Variants in HK1 observed in about 807,000 individuals in gnomAD.
HK1 encodes hexokinase 1.
In HK1, 28 loss-of-function variants were observed where a neutral mutation model predicts 91.6. The observed-to-expected ratio is 0.31, with a 90% CI of 0.23 to 0.42. The LOEUF (loss-of-function observed/expected upper bound fraction) is 0.42, where lower values mean the gene tolerates loss of function less well. Ranked by LOEUF, HK1 falls within the 10% of genes least tolerant of loss-of-function variation. The pLI is 1.00. For missense variants in HK1, 770 were observed against 1,219.8 expected (o/e 0.63, Z 5.49); for synonymous variants, 430 against 468.1 (o/e 0.92, Z 1.05).
chr10:69,294,777 G>A (rs188257773), intron 3 of HK1, among the ~76,000 whole-genome samples: 38 of 152,182 alleles, frequency 2.5e-4, no homozygotes, highest in African/African-American at 8.4e-4. Flanking sequence ...CAAGAGAATC[G>A]CTTGAACCTG....
rs537944214 is a variant in HK1 at position 69,285,268 on chromosome 10, C to T, written c.-215+2564C>T. The stretch of plus-strand genomic sequence containing the variant: ...GCTAACATGGTCTCTACTGAAAATA[C>T]AAAAAATTAGCCGGGCGAGGTGGCG... On this transcript the variant is annotated intron_variant, in intron 2 of 21. Coordinates refer to the HK1 transcript ENST00000360289. Among the ~76,000 whole-genome samples, 19 of 151,682 alleles carry T rather than the reference C, an allele frequency of 1.3e-4. No homozygotes were observed. The South Asian group carries it at 1.9e-3, about 15-fold the overall frequency.
intron 8 of HK1, 148 bp downstream of exon 8, chr10:69,377,237 C>A: frequency 1.1e-6 from 1 of 925,298 alleles, no homozygotes; most frequent in Non-Finnish European, 1.7e-6. Context: ...TCTTAGTTGA[C>A]CCATTCTGGG....
At chr10:69,396,934 C>G (rs866937554) in intron 16 of HK1, among the ~76,000 whole-genome samples, 12 of 152,178 alleles carry the variant, frequency 7.9e-5, no homozygotes, top group Admixed American at 7.2e-4. Context: ...ATCTGCCCAC[C>G]TTGGCCTCCC....
At chr10:69,280,265 C>G (rs1844671795) in intron 1 of HK1, among the ~76,000 whole-genome samples, 1 of 152,142 alleles carries the variant, frequency 6.6e-6, no homozygotes, top group South Asian at 2.1e-4. Flanking sequence ...GTGCCTGCTA[C>G]CATGCCCAGC....
At chr10:69,320,504 CG>C (rs1846951064) in intron 1 of HK1, among the ~76,000 whole-genome samples, 1 of 152,098 alleles carries the variant, frequency 6.6e-6, no homozygotes, top group Non-Finnish European at 1.5e-5. Flanking sequence ...GCTGTGCGTG[CG>C]GGTGTGTGCA....
chr10:69,309,059 C>T (rs1405624052), intron 5 of HK1, among the ~76,000 whole-genome samples: 3 of 152,134 alleles, frequency 2.0e-5, no homozygotes. Flanking sequence ...CTGCTAATTC[C>T]AGCACTTTGG....
In HK1 at chr10:69,401,160, C is replaced by G. The variant is rs374328237; in HGVS notation, c.*25C>G. On this transcript the variant is annotated 3_prime_UTR_variant, in exon 18 of 18. Transcript: ENST00000359426. Reference sequence around the variant, plus strand: ...AGAGTCCGGGATCCCCAGCCTACTGCCTCTCCAGCACTTCTCTCTTCAAGC... The same window carrying G: ...AGAGTCCGGGATCCCCAGCCTACTGGCTCTCCAGCACTTCTCTCTTCAAGC... 1 of 1,608,644 alleles carries G rather than the reference C, an allele frequency of 6.2e-7. No individual in the cohort carries two copies. Among genetic ancestry groups the G allele is most frequent in the Admixed American group, 1.7e-5 (1 of 59,416 alleles).
rs149310724 is a variant in HK1, at chr10:69,304,500, G to A, written c.27+3639G>A. On this transcript the variant is annotated intron_variant, in intron 5 of 21. Transcript: ENST00000360289. ...TTTTTGTATTTTTAGTAGAAGCAGCGTTTCACCATGTTGGCCAAGCTGGTC... is the reference window on the plus strand; with the variant it reads ...TTTTTGTATTTTTAGTAGAAGCAGCATTTCACCATGTTGGCCAAGCTGGTC... Among the ~76,000 whole-genome samples the A allele has an allele frequency of 3.6e-3, 547 of 152,134 alleles. 5 individuals carry two copies. The highest frequency in any genetic ancestry group is 0.012 in the African/African-American group (499 of 41,494).
intron 1 of HK1, among the ~76,000 whole-genome samples, chr10:69,281,614 C>A (rs1844754030): frequency 6.6e-6 from 1 of 152,188 alleles, no homozygotes; most frequent in South Asian, 2.1e-4. Context: ...TATCATGATT[C>A]ACAATTTGCA....
intron 10 of HK1, among the ~76,000 whole-genome samples, chr10:69,383,503 A>G (rs1463470035): frequency 6.6e-6 from 1 of 152,242 alleles, no homozygotes; most frequent in African/African-American, 2.4e-5. Context: ...GTTACCTAAT[A>G]CCACATTATA....
chr10:69,281,246 G>A (rs1484026695), intron 1 of HK1, among the ~76,000 whole-genome samples: 1 of 152,164 alleles, frequency 6.6e-6, no homozygotes, highest in Non-Finnish European at 1.5e-5. Flanking sequence ...GTCTGTGGAA[G>A]GGCCCAAGAA....
At chr10:69,377,826 A>G (rs887087876) in intron 8 of HK1, among the ~76,000 whole-genome samples, 1 of 152,208 alleles carries the variant, frequency 6.6e-6, no homozygotes, top group Admixed American at 6.5e-5. Flanking sequence ...AAACCTGTTA[A>G]CAGCCAGAAA....
Position 69,401,166 on chromosome 10 carries a change from C to T in HK1, c.*31C>T. 1 of 1,606,002 alleles carries T rather than the reference C, an allele frequency of 6.2e-7. No individual in the cohort carries two copies. Among genetic ancestry groups the T allele is most frequent in the Non-Finnish European group, 8.5e-7 (1 of 1,177,164 alleles). ...CGGGATCCCCAGCCTACTGCCTCTC[C>T]AGCACTTCTCTCTTCAAGCGGCGAC... On this transcript the variant is annotated 3_prime_UTR_variant, in exon 18 of 18. Coordinates refer to ENST00000359426, the MANE Select transcript of HK1 (RefSeq NM_000188.3).
upstream of HK1, among the ~76,000 whole-genome samples, chr10:69,311,780 G>A (rs2132537750): frequency 6.6e-6 from 1 of 152,256 alleles, no homozygotes; most frequent in East Asian, 1.9e-4. Context: ...GGGACTATAG[G>A]TGCATGCCAC....
At chr10:69,353,212 G>T (rs924134215) in intron 2 of HK1, among the ~76,000 whole-genome samples, 2 of 152,156 alleles carry the variant, frequency 1.3e-5, no homozygotes, top group African/African-American at 4.8e-5. Flanking sequence ...CGCCTCCAGG[G>T]AGGGAGAGAG....
intron 1 of HK1, among the ~76,000 whole-genome samples, chr10:69,338,918 T>A (rs1589507727): frequency 6.6e-6 from 1 of 152,118 alleles, no homozygotes; most frequent in Non-Finnish European, 1.5e-5. Context: ...AGAGTCAGCC[T>A]TTCTTCCTGG....
In HK1 at chr10:69,369,994, T is replaced by C. The variant is rs1849916607; in HGVS notation, c.875+370T>C. The stretch of plus-strand genomic sequence containing the variant: ...TTCAAGCGATCTGCCTGCCTCAGCC[T>C]CCCAAAATGCTGGGGTTACAGGCAT... On this transcript the variant is annotated intron_variant, in intron 7 of 17. Coordinates refer to ENST00000359426, the MANE Select transcript of HK1 (RefSeq NM_000188.3). The surrounding 1 kb of genome is among the most constrained non-coding windows in gnomAD (Gnocchi z 4.4). Among the ~76,000 whole-genome samples, 1 of 152,206 alleles carries C rather than the reference T, an allele frequency of 6.6e-6. No homozygotes were observed. The highest frequency in any genetic ancestry group is 1.5e-5 in the Non-Finnish European group (1 of 68,028).
chr10:69,350,477 A>C (rs1380875568), intron 2 of HK1, among the ~76,000 whole-genome samples: 1 of 151,944 alleles, frequency 6.6e-6, no homozygotes, highest in Non-Finnish European at 1.5e-5. Flanking sequence ...CCTGGCCAAA[A>C]TGGTGAAACT....
At position 69,356,882 on chromosome 10, in the gene HK1, CAA is replaced by C. The variant is rs778360296; in HGVS notation, c.227-2994_227-2993del. 2.8e-3 allele frequency among the ~76,000 whole-genome samples: 172 copies of C among 61,992 alleles called. 1 individual carries two copies. The highest frequency in any genetic ancestry group is 3.8e-3 in the Non-Finnish European group (124 of 32,788). The allele number at this position is 61,992 out of a possible 152,430, so 40.7% of individuals were successfully genotyped here. On this transcript the variant is annotated intron_variant, in intron 2 of 17. Transcript: ENST00000359426. ...TGGGCAACAGAGCGAAACTCCATCT[CAA>C]AAAAAAAAAAAAAAAAAAAAGGAAA...
Sources: gnomAD v4.1 joint callset for allele counts (sites outside exome capture counted in the v4.1 genomes callset) on GRCh38, gnomAD v4.1.1 for gene constraint, Gnocchi (gnomAD v3.1) non-coding constraint, MANE v1.5 for transcripts, NCBI Gene and HGNC (gene_info 2026-07-23, HGNC 2026-07-21) for gene names.